The following RBMS3 variants were observed in gnomAD, a reference collection of about 807,000 sequenced individuals.
The protein encoded by RBMS3 is RNA binding motif single stranded interacting protein 3.
In RBMS3, 27 loss-of-function variants were observed where a neutral mutation model predicts 66.8. That is an observed-to-expected ratio of 0.40 (90% confidence interval 0.30 to 0.56). The LOEUF is 0.56. Among genes scored for constraint, RBMS3 ranks in the 20% least tolerant of loss-of-function variants. The probability of loss-of-function intolerance (pLI) is 0.40; values close to 1 mark genes in which losing one functional copy is unlikely to be tolerated. For missense variants in RBMS3, 513 were observed against 549.5 expected, an observed-to-expected ratio of 0.93 and a Z score of 0.66; for synonymous variants, 188 against 183.0, an observed-to-expected ratio of 1.03 and a Z score of -0.22.
At position 29,968,600 on chromosome 3, in the gene RBMS3, C is replaced by A. The variant is rs182787779; in HGVS notation, c.1099-19543C>A. Among the ~76,000 whole-genome samples, 3 of 142,464 alleles carry A rather than the reference C, an allele frequency of 2.1e-5. No individual in the cohort carries two copies. The Admixed American group carries it at 2.1e-4, about 10-fold the overall frequency. The allele number at this position is 142,464 out of a possible 152,430, so 93.5% of individuals were successfully genotyped here. A position where few individuals can be genotyped will look rare whatever the true frequency, so the allele number is the denominator to read the frequency against. ...GCTCCAGGTAAAGTCGGAAACTTCT[C>A]CCACAAACAGACCTTCAGCTTCTCC... On this transcript the variant is annotated intron_variant, in intron 12 of 14. Coordinates refer to ENST00000383767, the MANE Select transcript of RBMS3 (RefSeq NM_001003793.3).
At chr3:29,637,479 G>C (rs1273483614) in intron 4 of RBMS3, among the ~76,000 whole-genome samples, 2 of 151,740 alleles carry the variant, frequency 1.3e-5, no homozygotes, top group Non-Finnish European at 2.9e-5. Context: ...GCTATAACTT[G>C]ATGCTTCTAA....
At chr3:29,527,112 A>T (rs1488093678) in intron 3 of RBMS3, among the ~76,000 whole-genome samples, 1 of 147,476 alleles carries the variant, frequency 6.8e-6, no homozygotes, top group Non-Finnish European at 1.5e-5. Flanking sequence ...CTTGGTGTCT[A>T]CCAGGCCATG....
intron 4 of RBMS3, among the ~76,000 whole-genome samples, chr3:29,622,851 G>A (rs1462362339): frequency 6.6e-6 from 1 of 152,160 alleles, no homozygotes; most frequent in African/African-American, 2.4e-5. Flanking sequence ...AGGAGCGGTG[G>A]CTCACAGCTG....
intron 4 of RBMS3, among the ~76,000 whole-genome samples, chr3:29,702,558 C>T (rs1015550858): frequency 2.0e-5 from 3 of 152,096 alleles, no homozygotes; most frequent in Non-Finnish European, 4.4e-5. Context: ...TTTTTGAGTC[C>T]ACACCATCTT....
intron 10 of RBMS3, among the ~76,000 whole-genome samples, chr3:29,917,969 A>T (rs2060681482): frequency 6.6e-6 from 1 of 152,118 alleles, no homozygotes; most frequent in South Asian, 2.1e-4. Flanking sequence ...CAATTATATA[A>T]TATTGTATAT....
chr3:29,512,555 C>T (rs1166908141), intron 3 of RBMS3, among the ~76,000 whole-genome samples: 1 of 152,070 alleles, frequency 6.6e-6, no homozygotes, highest in Non-Finnish European at 1.5e-5. Flanking sequence ...TTTATATTTT[C>T]CATTTGATAT....
chr3:29,281,855 C>T, intron 1 of RBMS3, 99 bp downstream of exon 1: 1 of 950,958 alleles, frequency 1.1e-6, no homozygotes, highest in Non-Finnish European at 1.6e-6. Flanking sequence ...CCCCCACCCC[C>T]ATCACTTCTT....
At chr3:29,794,276 C>T (rs2057105349) in intron 6 of RBMS3, among the ~76,000 whole-genome samples, 1 of 152,076 alleles carries the variant, frequency 6.6e-6, no homozygotes, top group African/African-American at 2.4e-5. Context: ...TAGCTCTCTC[C>T]CCAGGGAAGC....
intron 6 of RBMS3, among the ~76,000 whole-genome samples, chr3:29,804,947 GTGTGTGTGT>G (rs2057499898): frequency 7.4e-6 from 1 of 134,578 alleles, no homozygotes; most frequent in Admixed American, 7.6e-5. Context: ...GTGTGTGTGT[GTGTGTGTGT>G]GGCAAAATTC....
intron 10 of RBMS3, among the ~76,000 whole-genome samples, chr3:29,926,390 A>G (rs901620409): frequency 6.6e-6 from 1 of 152,232 alleles, no homozygotes; most frequent in African/African-American, 2.4e-5. Flanking sequence ...AGCAAATTGC[A>G]GGACAAGGAA....
At chr3:29,592,995 C>T (rs111226756) in intron 4 of RBMS3, among the ~76,000 whole-genome samples, 5,342 of 114,744 alleles carry the variant, frequency 0.047, 149 homozygotes, top group Admixed American at 0.14. Context: ...ACATCACACA[C>T]TGGGGCCTGT....
At chr3:29,661,285 C>T (rs912596128) in intron 4 of RBMS3, among the ~76,000 whole-genome samples, 12 of 152,176 alleles carry the variant, frequency 7.9e-5, no homozygotes, top group African/African-American at 2.7e-4. Context: ...TCATATTCCA[C>T]CTTCCCAGAA....
At chr3:29,664,017 C>A in intron 4 of RBMS3, among the ~76,000 whole-genome samples, 1 of 152,194 alleles carries the variant, frequency 6.6e-6, no homozygotes, top group African/African-American at 2.4e-5. Context: ...TGAATACTAT[C>A]ATTGAATTGA....
intron 1 of RBMS3, among the ~76,000 whole-genome samples, chr3:29,401,039 A>C (rs1312767048): frequency 6.6e-6 from 1 of 152,076 alleles, no homozygotes; most frequent in African/African-American, 2.4e-5. Flanking sequence ...TTAGTGAAGC[A>C]GTGCAAATAA....
chr3:29,963,506 TACAA>T (rs1447797129), intron 12 of RBMS3, among the ~76,000 whole-genome samples: 1 of 152,198 alleles, frequency 6.6e-6, no homozygotes, highest in Non-Finnish European at 1.5e-5. Context: ...TTTGTCTTCT[TACAA>T]ACACTTAAGA....
intron 12 of RBMS3, among the ~76,000 whole-genome samples, chr3:29,958,648 G>A (rs940039816): frequency 4.0e-5 from 6 of 151,848 alleles, no homozygotes; most frequent in Non-Finnish European, 7.4e-5. Flanking sequence ...TCACACTACC[G>A]GCATTTGTGC....
intron 6 of RBMS3, among the ~76,000 whole-genome samples, chr3:29,858,568 T>C (rs1436678116): frequency 2.0e-5 from 3 of 152,234 alleles, no homozygotes; most frequent in African/African-American, 7.2e-5. Flanking sequence ...GTGCTGGTAC[T>C]TTCCAATTTC....
At chr3:29,592,835 AG>A (rs1252311620) in intron 4 of RBMS3, among the ~76,000 whole-genome samples, 1 of 152,042 alleles carries the variant, frequency 6.6e-6, no homozygotes, top group Non-Finnish European at 1.5e-5. Context: ...GCCATAAAAA[AG>A]GATGAGTTCA....
chr3:29,705,077 C>A (rs1456880594), intron 4 of RBMS3, among the ~76,000 whole-genome samples: 1 of 152,096 alleles, frequency 6.6e-6, no homozygotes, highest in African/African-American at 2.4e-5. Flanking sequence ...TAGCTAGGGG[C>A]TTTTTGTTTC....
Sources: allele counts gnomAD v4.1 joint callset (sites outside exome capture counted in the v4.1 genomes callset), GRCh38; gene constraint gnomAD v4.1.1; transcripts MANE v1.5; gene names NCBI Gene and HGNC (gene_info 2026-07-23, HGNC 2026-07-21).